PHKB: variants seen among roughly 807,000 people sequenced by gnomAD.
PHKB encodes phosphorylase kinase regulatory subunit beta.
Under a neutral mutation model 152.1 loss-of-function variants are expected in PHKB, and 122 were observed. That is an observed-to-expected ratio of 0.80 (90% CI 0.69 to 0.93). The LOEUF (loss-of-function observed/expected upper bound fraction) is 0.93, where lower values mean the gene tolerates loss of function less well. Among genes scored for constraint, PHKB ranks in the 40% least tolerant of loss-of-function variants. PHKB has a pLI of 0.00. For missense variants in PHKB, 1,304 were observed against 1,328.4 expected, an observed-to-expected ratio of 0.98 and a Z score of 0.29; for synonymous variants, 436 against 464.9, an observed-to-expected ratio of 0.94 and a Z score of 0.80.
At chr16:47,645,125 A>T (rs1001780340) in intron 16 of PHKB, among the ~76,000 whole-genome samples, 3 of 152,114 alleles carry the variant, frequency 2.0e-5, no homozygotes, top group African/African-American at 7.2e-5. Context: ...CCTTTGTCAG[A>T]TGAGTAGGTT....
At chr16:47,572,378 C>T (rs935695626) in intron 7 of PHKB, among the ~76,000 whole-genome samples, 2 of 152,196 alleles carry the variant, frequency 1.3e-5, no homozygotes, top group African/African-American at 4.8e-5. Flanking sequence ...AGTGAATTCT[C>T]CGATGGACTC....
chr16:47,621,562 G>C (rs1012459546), intron 14 of PHKB, among the ~76,000 whole-genome samples: 5 of 152,126 alleles, frequency 3.3e-5, no homozygotes, highest in Non-Finnish European at 7.3e-5. Flanking sequence ...TAACCAGTTT[G>C]AGACATAATT....
chr16:47,536,021 A>G (rs1970946213), intron 6 of PHKB, among the ~76,000 whole-genome samples: 3 of 152,222 alleles, frequency 2.0e-5, no homozygotes, highest in South Asian at 2.1e-4. Context: ...AATAATACAC[A>G]GAATACCCTG....
chr16:47,486,743 G>T (rs569942866), intron 1 of PHKB, among the ~76,000 whole-genome samples: 1 of 152,052 alleles, frequency 6.6e-6, no homozygotes, highest in Non-Finnish European at 1.5e-5. Context: ...AAAGATCTTC[G>T]GATTATGCTT....
At chr16:47,463,944 C>T (rs1259490693) in intron 1 of PHKB, 7 of 1,614,100 alleles carry the variant, frequency 4.3e-6, no homozygotes, top group Non-Finnish European at 8.5e-7. Flanking sequence ...TTGAAATGGC[C>T]TGCTCACCTG....
chr16:47,575,932 C>T (rs938569171), intron 7 of PHKB, among the ~76,000 whole-genome samples: 69 of 151,974 alleles, frequency 4.5e-4, no homozygotes, highest in African/African-American at 1.5e-3. Context: ...CAAAATCAGC[C>T]GGGTGTGGTG....
chr16:47,643,297 T>C (rs775389051), intron 16 of PHKB, among the ~76,000 whole-genome samples: 19 of 152,218 alleles, frequency 1.2e-4, no homozygotes, highest in Admixed American at 2.0e-4. Flanking sequence ...CTCAGTGACC[T>C]CTGGGTTTAT....
chr16:47,698,145 G>A (rs1330205523), intron 29 of PHKB, among the ~76,000 whole-genome samples: 3 of 152,054 alleles, frequency 2.0e-5, no homozygotes, highest in African/African-American at 7.2e-5. Flanking sequence ...AGACACTTTG[G>A]GTGAATAGGG....
intron 26 of PHKB, among the ~76,000 whole-genome samples, chr16:47,669,770 C>T (rs1458221362): frequency 6.6e-6 from 1 of 152,202 alleles, no homozygotes; most frequent in Non-Finnish European, 1.5e-5. Flanking sequence ...GAATGATTTT[C>T]AGTAAAACTG....
At chr16:47,553,194 C>G (rs141340512) in intron 7 of PHKB, among the ~76,000 whole-genome samples, 2 of 152,068 alleles carry the variant, frequency 1.3e-5, no homozygotes, top group Admixed American at 1.3e-4. Flanking sequence ...TTTGGTCTTT[C>G]CACATAGTCC....
intron 1 of PHKB, among the ~76,000 whole-genome samples, chr16:47,476,852 C>T (rs1393486393): frequency 2.0e-5 from 3 of 152,124 alleles, no homozygotes; most frequent in African/African-American, 7.2e-5. Flanking sequence ...ATATGATGCC[C>T]CAGTGGCTCT....
chr16:47,652,232 C>T (rs1973250021), intron 20 of PHKB, among the ~76,000 whole-genome samples: 1 of 151,568 alleles, frequency 6.6e-6, no homozygotes, highest in African/African-American at 2.4e-5. Flanking sequence ...CTTACTATTT[C>T]AGCTTTTATT....
intron 1 of PHKB, among the ~76,000 whole-genome samples, chr16:47,474,725 C>A (rs1266225380): frequency 6.6e-6 from 1 of 150,492 alleles, no homozygotes; most frequent in African/African-American, 2.4e-5. Context: ...GGACTATTTT[C>A]TTGTTTTTTT....
intron 7 of PHKB, among the ~76,000 whole-genome samples, chr16:47,570,177 A>G (rs960256108): frequency 2.0e-5 from 3 of 152,150 alleles, no homozygotes; most frequent in Non-Finnish European, 4.4e-5. Context: ...TTCCTTTATC[A>G]TTTATTTGAT....
intron 6 of PHKB, among the ~76,000 whole-genome samples, chr16:47,543,903 A>G (rs1423995156): frequency 6.6e-6 from 1 of 152,104 alleles, no homozygotes; most frequent in Admixed American, 6.5e-5. Flanking sequence ...CATCTATGTA[A>G]TTATTACATC....
chr16:47,472,768 C>A (rs970540122), intron 1 of PHKB, among the ~76,000 whole-genome samples: 3 of 150,748 alleles, frequency 2.0e-5, no homozygotes, highest in African/African-American at 7.3e-5. Context: ...GGCGACAGGG[C>A]GAGACTCCAT....
intron 14 of PHKB, among the ~76,000 whole-genome samples, chr16:47,619,678 C>CGAAGGT (rs1972583381): frequency 6.6e-6 from 1 of 152,168 alleles, no homozygotes; most frequent in Admixed American, 6.5e-5. Context: ...TGATTATCTA[C>CGAAGGT]GAATGATACC....
At chr16:47,650,160 C>A (rs916181983) in intron 18 of PHKB, among the ~76,000 whole-genome samples, 1 of 151,982 alleles carries the variant, frequency 6.6e-6, no homozygotes, top group Non-Finnish European at 1.5e-5. Context: ...ACCTGTAATC[C>A]CAGCACTTTG....
At chr16:47,601,704 C>CAAA (rs764159055) in intron 13 of PHKB, among the ~76,000 whole-genome samples, 3 of 126,212 alleles carry the variant, frequency 2.4e-5, no homozygotes, top group Admixed American at 8.1e-5. Flanking sequence ...GACTCCATCT[C>CAAA]AAAAAAAAAA....
Sources: allele counts gnomAD v4.1 joint callset (sites outside exome capture counted in the v4.1 genomes callset), GRCh38; gene constraint gnomAD v4.1.1; transcripts MANE v1.5; gene names NCBI Gene and HGNC (gene_info 2026-07-23, HGNC 2026-07-21).